The following CLASP1 variants were observed in gnomAD, a reference collection of about 807,000 sequenced individuals.
CLASP1 encodes cytoplasmic linker associated protein 1.
In CLASP1, 38 loss-of-function variants were observed where a neutral mutation model predicts 192.3. That is an observed-to-expected ratio of 0.20 (90% confidence interval 0.15 to 0.26). The LOEUF (loss-of-function observed/expected upper bound fraction) is 0.26, where lower values mean the gene tolerates loss of function less well. CLASP1 is among the 10% of genes least tolerant of loss of function. The probability of loss-of-function intolerance (pLI) is 1.00; values close to 1 mark genes in which losing one functional copy is unlikely to be tolerated. For missense variants in CLASP1, 1,433 were observed against 1,932.5 expected (o/e 0.74, Z 4.85); for synonymous variants, 691 against 712.8 (o/e 0.97, Z 0.49).
At chr2:121,417,618 G>A (rs1444938285) in intron 23 of CLASP1, among the ~76,000 whole-genome samples, 1 of 152,220 alleles carries the variant, frequency 6.6e-6, no homozygotes, top group African/African-American at 2.4e-5. Context: ...CTAAATCACA[G>A]GGACCATCTA....
At chr2:121,582,278 A>T (rs2061265938) in intron 2 of CLASP1, among the ~76,000 whole-genome samples, 1 of 148,914 alleles carries the variant, frequency 6.7e-6, no homozygotes, top group African/African-American at 2.5e-5. Context: ...CAGGAAAGGG[A>T]GAGAGAGAGA....
Position 121,605,689 on chromosome 2 carries a change from A to G in CLASP1, c.195+12T>C. 6.2e-7 allele frequency: 1 copy of G among 1,612,418 alleles called. No individual in the cohort carries two copies. ...AGCCACCTCCAAAAGTGCCTTCTAAAGCACAGCTTACCTTGTAATTGCTAG... is the reference window on the plus strand; with the variant it reads ...AGCCACCTCCAAAAGTGCCTTCTAAGGCACAGCTTACCTTGTAATTGCTAG... On this transcript the variant is annotated intron_variant, in intron 2 of 39. Transcript: ENST00000263710.
At chr2:121,646,105 TCCTTC>T (rs764374578) in intron 1 of CLASP1, among the ~76,000 whole-genome samples, 3 of 152,212 alleles carry the variant, frequency 2.0e-5, no homozygotes, top group Non-Finnish European at 4.4e-5. Flanking sequence ...GACTAACAGA[TCCTTC>T]CCTTGTTTTG....
At chr2:121,540,915 G>A (rs569502403) in intron 2 of CLASP1, among the ~76,000 whole-genome samples, 1 of 152,228 alleles carries the variant, frequency 6.6e-6, no homozygotes, top group Admixed American at 6.5e-5. Context: ...TCCTGGTGGC[G>A]ATGTCCTAAG....
At chr2:121,536,861 G>A (rs140310480) in intron 2 of CLASP1, among the ~76,000 whole-genome samples, 72 of 152,322 alleles carry the variant, frequency 4.7e-4, no homozygotes, top group African/African-American at 1.3e-3. Context: ...GGAAAGAGAC[G>A]TTGGTGATGG....
chr2:121,628,926 G>C (rs1476582427), intron 1 of CLASP1, among the ~76,000 whole-genome samples: 1 of 148,048 alleles, frequency 6.8e-6, no homozygotes, highest in East Asian at 2.0e-4. Flanking sequence ...AACATATCAA[G>C]TTGTTCACTG....
chr2:121,523,743 G>A (rs2094508689), intron 6 of CLASP1, among the ~76,000 whole-genome samples: 1 of 152,310 alleles, frequency 6.6e-6, no homozygotes, highest in East Asian at 1.9e-4. Context: ...TTCCTCTGGA[G>A]GATGTGGTCC....
chr2:121,601,972 C>T (rs1269981341), intron 2 of CLASP1, among the ~76,000 whole-genome samples: 4 of 151,998 alleles, frequency 2.6e-5, no homozygotes, highest in East Asian at 3.9e-4. Context: ...GTCACGAGTT[C>T]GAAACCAGCC....
At chr2:121,514,672 C>A (rs1203186850) in intron 7 of CLASP1, among the ~76,000 whole-genome samples, 1 of 152,172 alleles carries the variant, frequency 6.6e-6, no homozygotes, top group Admixed American at 6.6e-5. Context: ...CTTGTCTGCC[C>A]GTGGAGCCAC....
At chr2:121,577,675 T>G (rs1026210024) in intron 2 of CLASP1, among the ~76,000 whole-genome samples, 7 of 152,214 alleles carry the variant, frequency 4.6e-5, no homozygotes, top group African/African-American at 1.7e-4. Context: ...TTATTTTTAG[T>G]TTCCTCAAAT....
At chr2:121,566,483 T>A (rs372642887) in intron 2 of CLASP1, among the ~76,000 whole-genome samples, 4 of 152,214 alleles carry the variant, frequency 2.6e-5, no homozygotes, top group African/African-American at 9.6e-5. Context: ...AGTAGAACTA[T>A]AGCAGAGAAC....
chr2:121,401,655 C>A, exon 28 of CLASP1: 2 of 1,609,482 alleles, frequency 1.2e-6, no homozygotes, highest in Non-Finnish European at 1.7e-6. Flanking sequence ...CAAGAGTCTC[C>A]AAAAACATAC....
At chr2:121,632,671 C>T (rs1350566608) in intron 1 of CLASP1, among the ~76,000 whole-genome samples, 1 of 152,044 alleles carries the variant, frequency 6.6e-6, no homozygotes, top group Non-Finnish European at 1.5e-5. Flanking sequence ...CCGAGGTTGG[C>T]AGATCACCTG....
At chr2:121,379,696 G>A (rs1041619151) in intron 33 of CLASP1, among the ~76,000 whole-genome samples, 1 of 152,138 alleles carries the variant, frequency 6.6e-6, no homozygotes, top group Non-Finnish European at 1.5e-5. Context: ...GAGGAAGTCT[G>A]GGGGAACGTT....
chr2:121,369,314 T>A (rs2068088893), intron 34 of CLASP1, among the ~76,000 whole-genome samples: 1 of 152,170 alleles, frequency 6.6e-6, no homozygotes, highest in East Asian at 1.9e-4. Context: ...TAATACATAA[T>A]ATATGCGTAG....
Position 121,413,695 on chromosome 2 carries a change from G to A in CLASP1, c.2321-2726C>T, listed in dbSNP as rs564932966. ...TATGTATGCTATAATTTGCAGCGCT[G>A]TTAACTAAATGGTACCTTAAAAATG... On this transcript the variant is annotated intron_variant, in intron 23 of 39. Transcript: ENST00000263710. 3.9e-5 allele frequency among the ~76,000 whole-genome samples: 6 copies of A among 152,250 alleles called. No individual in the cohort carries two copies. The South Asian group carries it at 1.2e-3, about 32-fold the overall frequency.
chr2:121,351,500 CTGAGAA>C (rs529620013), intron 37 of CLASP1, among the ~76,000 whole-genome samples: 3 of 152,234 alleles, frequency 2.0e-5, no homozygotes, highest in Non-Finnish European at 4.4e-5. Flanking sequence ...TCCTAGCTGT[CTGAGAA>C]TATGTCCCAC....
chr2:121,361,415 G>C (rs1474140856), intron 37 of CLASP1, among the ~76,000 whole-genome samples: 1 of 152,178 alleles, frequency 6.6e-6, no homozygotes, highest in Non-Finnish European at 1.5e-5. Context: ...GTTTAAAAAA[G>C]TTAGCACATG....
intron 8 of CLASP1, among the ~76,000 whole-genome samples, chr2:121,472,773 G>A (rs1271562030): frequency 1.3e-5 from 2 of 152,192 alleles, no homozygotes; most frequent in Non-Finnish European, 2.9e-5. Flanking sequence ...CACAAGTAGG[G>A]AAGCTCCAAA....
Sources: gnomAD v4.1 joint callset for allele counts (sites outside exome capture counted in the v4.1 genomes callset) on GRCh38, gnomAD v4.1.1 for gene constraint, MANE v1.5 for transcripts, NCBI Gene and HGNC (gene_info 2026-07-23, HGNC 2026-07-21) for gene names.